GPAM: variants seen among roughly 807,000 people sequenced by gnomAD.
GPAM encodes glycerol-3-phosphate acyltransferase 1, mitochondrial.
GPAM carries 56 observed loss-of-function variants against 105.0 expected under a neutral mutation model. The ratio of observed to expected loss-of-function variants is 0.53; its 90% CI spans 0.43 to 0.67. The LOEUF (loss-of-function observed/expected upper bound fraction) is 0.67, where lower values mean the gene tolerates loss of function less well. GPAM is among the 30% of genes least tolerant of loss of function. GPAM has a pLI of 0.00. For missense variants in GPAM, 855 were observed against 989.8 expected (o/e 0.86, Z 1.83); for synonymous variants, 368 against 354.4 (o/e 1.04, Z -0.43).
upstream of GPAM, among the ~76,000 whole-genome samples, chr10:112,219,525 A>G (rs1042329080): frequency 1.6e-4 from 24 of 152,352 alleles, no homozygotes; most frequent in African/African-American, 5.1e-4. Context: ...AACTCAGTAC[A>G]TATCAGGCAC....
chr10:112,153,221 C>G lies in GPAM; in HGVS notation c.*329G>C. The stretch of plus-strand genomic sequence containing the variant: ...CACAGCTACATTTCTGTGTCCATCA[C>G]AGTAATTAGTCCTTAAAAGTTGTAC... On this transcript the variant is annotated 3_prime_UTR_variant, in exon 22 of 22. Coordinates refer to ENST00000348367, the MANE Select transcript of GPAM (RefSeq NM_001244949.2). The G allele has an allele frequency of 8.6e-7, 1 of 1,158,922 alleles. No individual in the cohort carries two copies. The highest frequency in any genetic ancestry group is 1.1e-6 in the Non-Finnish European group (1 of 929,522). 71.8% of individuals were successfully genotyped at this position (1,158,922 alleles called of 1,614,324 possible). A position where few individuals can be genotyped will look rare whatever the true frequency, so the allele number is the denominator to read the frequency against.
intron 1 of GPAM, among the ~76,000 whole-genome samples, chr10:112,190,725 GA>G (rs1847647607): frequency 6.6e-6 from 1 of 152,042 alleles, no homozygotes. Context: ...CCCACACTTG[GA>G]CTGCTAATTG....
the GPAM span, among the ~76,000 whole-genome samples, chr10:112,220,617 T>G: frequency 6.6e-6 from 1 of 152,166 alleles, no homozygotes; most frequent in East Asian, 1.9e-4. Context: ...GATCTTCTTA[T>G]TGTATGTCAT....
Position 112,181,694 on chromosome 10 carries a change from T to G in GPAM, c.91A>C (p.Ser31Arg). Residue 31 changes from serine to arginine, a missense_variant, in exon 3 of 22, where the codon AGT (serine) becomes CGT (arginine). Transcript: ENST00000348367. The stretch of plus-strand genomic sequence containing the variant: ...TATCCTAAACTTACCCATTCCTCAC[T>G]TGTGTGCTTACATCGACCAACACTG... ...EYSVGRCKHT[S>R]EEWGECGFRP... The G allele has an allele frequency of 6.3e-7, 1 of 1,584,624 alleles. No individual in the cohort carries two copies. The highest frequency in any genetic ancestry group is 1.3e-5 in the African/African-American group (1 of 74,436).
the GPAM span, among the ~76,000 whole-genome samples, chr10:112,223,551 C>G: frequency 6.6e-6 from 1 of 152,194 alleles, no homozygotes; most frequent in South Asian, 2.1e-4. Flanking sequence ...GGCCTTGTGA[C>G]CTTAAGCAAA....
rs763141764 is a variant in GPAM at position 112,155,944 on chromosome 10, C to T, written c.2231G>A (p.Gly744Asp). 9.3e-6 allele frequency: 15 copies of T among 1,611,784 alleles called. No individual in the cohort carries two copies. The South Asian group carries it at 1.4e-4, about 15-fold the overall frequency. Residue 744 changes from glycine to aspartate, a missense_variant, in exon 20 of 22, where the codon GGT becomes GAT. Physicochemically the swap from Gly to Asp is moderately conservative, Grantham distance 94 (BLOSUM62 -1). Coordinates refer to ENST00000348367, the MANE Select transcript of GPAM (RefSeq NM_001244949.2). ...CAGATACTCAGGTTCTGGAACAGGACCACTGAAGTTGTGAACAAAGATGGC... is the reference window on the plus strand; with the variant it reads ...CAGATACTCAGGTTCTGGAACAGGATCACTGAAGTTGTGAACAAAGATGGC... ...SAAIFVHNFS[G>D]PVPEPEYLQK...
chr10:112,151,392 C>T lies in GPAM; in HGVS notation c.*2158G>A. The T allele has an allele frequency of 1.0e-6, 1 of 985,796 alleles. No individual in the cohort carries two copies. 61.1% of individuals were successfully genotyped at this position (985,796 alleles called of 1,614,324 possible). ...GTTGTGCTGAAATTAACTCAAAGGT[C>T]AGCTTGTCTGGATGAGCATAACTTT... On this transcript the variant is annotated 3_prime_UTR_variant, in exon 22 of 22. Coordinates refer to ENST00000348367, the MANE Select transcript of GPAM (RefSeq NM_001244949.2).
rs920232685 is a variant in GPAM, at chr10:112,151,988, T to C, written c.*1562A>G. The C allele has an allele frequency of 4.1e-6, 4 of 980,714 alleles. No homozygotes were observed. The African/African-American group carries it at 5.2e-5, about 13-fold the overall frequency. The allele number at this position is 980,714 out of a possible 1,614,324, so 60.8% of individuals were successfully genotyped here. On this transcript the variant is annotated 3_prime_UTR_variant, in exon 22 of 22. Transcript: ENST00000348367. ...GAACTTGAGAGGGATCACAACAGCATAGCATTATTGCTATGAGTTTCAAAC... is the reference window on the plus strand; with the variant it reads ...GAACTTGAGAGGGATCACAACAGCACAGCATTATTGCTATGAGTTTCAAAC...
chr10:112,184,235 A>C (rs138717232), upstream of GPAM, among the ~76,000 whole-genome samples: 3 of 152,316 alleles, frequency 2.0e-5, no homozygotes, highest in East Asian at 5.8e-4. Flanking sequence ...AAAGAAGCAA[A>C]TAAGGCTTGT....
At chr10:112,185,902 T>C (rs977199202), upstream of GPAM, among the ~76,000 whole-genome samples, 4 of 152,180 alleles carry the variant, frequency 2.6e-5, no homozygotes, top group Non-Finnish European at 4.4e-5. Context: ...ATACATGCAA[T>C]TGTAGTCCCT....
chr10:112,154,424 T>G (rs188327640), intron 21 of GPAM: 820 of 594,098 alleles, frequency 1.4e-3, no homozygotes, highest in Non-Finnish European at 2.0e-3. Flanking sequence ...TCCAGAACAT[T>G]CAAATAAATC....
chr10:112,171,210 T>A (rs948373052), intron 9 of GPAM, among the ~76,000 whole-genome samples: 2 of 152,190 alleles, frequency 1.3e-5, no homozygotes, highest in Non-Finnish European at 2.9e-5. Flanking sequence ...ACCTACCACC[T>A]ACCCAGTTTC....
intron 1 of GPAM, among the ~76,000 whole-genome samples, chr10:112,190,137 C>T (rs1847639029): frequency 6.6e-6 from 1 of 151,982 alleles, no homozygotes; most frequent in Non-Finnish European, 1.5e-5. Context: ...ATATTTGAGC[C>T]TGGATCTCAT....
At chr10:112,209,212 T>C (rs1382218640) in intron 1 of GPAM, among the ~76,000 whole-genome samples, 1 of 152,200 alleles carries the variant, frequency 6.6e-6, no homozygotes, top group Non-Finnish European at 1.5e-5. Flanking sequence ...CCCTGATTCA[T>C]GGAGCTAATT....
rs1392957715 is a variant in GPAM, at chr10:112,150,166, T to C, written c.*3384A>G. 1 of 985,132 alleles carries C rather than the reference T, an allele frequency of 1.0e-6. No individual in the cohort carries two copies. The highest frequency in any genetic ancestry group is 1.7e-5 in the African/African-American group (1 of 57,238). 61.0% of individuals were successfully genotyped at this position (985,132 alleles called of 1,614,324 possible). A position where few individuals can be genotyped will look rare whatever the true frequency, so the allele number is the denominator to read the frequency against. On this transcript the variant is annotated 3_prime_UTR_variant, in exon 22 of 22. Coordinates refer to ENST00000348367, the MANE Select transcript of GPAM (RefSeq NM_001244949.2). Reference sequence around the variant, plus strand: ...AAACTAAAATGCCAGACGGCAAGTCTCAGGTTTCTAAAATAGTTTTAAAAA... The same window carrying C: ...AAACTAAAATGCCAGACGGCAAGTCCCAGGTTTCTAAAATAGTTTTAAAAA...
intron 1 of GPAM, among the ~76,000 whole-genome samples, chr10:112,183,463 A>T (rs753803729): frequency 9.9e-5 from 15 of 152,176 alleles, no homozygotes; most frequent in Non-Finnish European, 2.2e-4. Context: ...CTTCCAACCC[A>T]GGGGAACCCA....
intron 20 of GPAM, chr10:112,155,408 G>A (rs73365164): frequency 0.016 from 2,790 of 179,312 alleles, 86 homozygotes; most frequent in African/African-American, 0.064. Flanking sequence ...TACCAAAGCC[G>A]AATATACCCA....
intron 15 of GPAM, among the ~76,000 whole-genome samples, chr10:112,161,136 A>G (rs938882547): frequency 9.2e-5 from 14 of 152,186 alleles, no homozygotes; most frequent in Non-Finnish European, 1.6e-4. Flanking sequence ...AAGGGGGAGG[A>G]AAAAAGCCAT....
intron 1 of GPAM, among the ~76,000 whole-genome samples, chr10:112,197,485 T>G (rs1019464524): frequency 6.6e-6 from 1 of 151,914 alleles, no homozygotes; most frequent in African/African-American, 2.4e-5. Flanking sequence ...TGATTTATTT[T>G]TTATTTATTT....
Sources: allele counts gnomAD v4.1 joint callset (sites outside exome capture counted in the v4.1 genomes callset), GRCh38; gene constraint gnomAD v4.1.1; transcripts MANE v1.5; gene names NCBI Gene and HGNC (gene_info 2026-07-23, HGNC 2026-07-21).